Variants in NAV3 observed in about 807,000 individuals in gnomAD.
The protein encoded by NAV3 is pore membrane and/or filament interacting like protein 1.
Under a neutral mutation model 244.7 loss-of-function variants are expected in NAV3, and 87 were observed. The ratio of observed to expected loss-of-function variants is 0.36; its 90% CI spans 0.30 to 0.42. NAV3 has a LOEUF of 0.42. NAV3 is among the 20% of genes least tolerant of loss of function. The pLI is 1.00. For missense variants in NAV3, 2,663 were observed against 2,893.3 expected, an observed-to-expected ratio of 0.92 and a Z score of 1.83; for synonymous variants, 1,126 against 1,042.2, an observed-to-expected ratio of 1.08 and a Z score of -1.55.
At position 78,096,217 on chromosome 12, in the gene NAV3, C is replaced by A. The variant is rs529198382; in HGVS notation, c.2637-20555C>A. Among the ~76,000 whole-genome samples, 80 of 152,286 alleles carry A rather than the reference C, an allele frequency of 5.3e-4. 1 individual carries two copies. The South Asian group carries it at 0.017, about 32-fold the overall frequency. The stretch of plus-strand genomic sequence containing the variant: ...ATATGGCTTCCCCTATAAATAAAAT[C>A]TAGTTCTCTTCTCTGGAGAGGAACA... On this transcript the variant is annotated intron_variant, in intron 12 of 39. Transcript: ENST00000397909.
In NAV3 at chr12:78,200,543, C is replaced by T. The variant is rs183153470; in HGVS notation, c.6786C>T (p.Asn2262=). ...GSRVWFMDLW[N]YSLVPYILEA... The stretch of plus-strand genomic sequence containing the variant: ...GAGTATGGTTCATGGATCTCTGGAA[C>T]TATTCTTTAGTACCTTATATTCTGG... The change falls in exon 38 of 40, where the codon AAC becomes AAT. Residue 2262 remains asparagine, a synonymous_variant. Transcript: ENST00000397909. 1.2e-3 allele frequency: 1,949 copies of T among 1,600,730 alleles called. 9 individuals carry two copies. The highest frequency in any genetic ancestry group is 8.0e-4 in the Non-Finnish European group (938 of 1,173,084).
intron 2 of NAV3, among the ~76,000 whole-genome samples, chr12:77,734,324 T>G (rs1877249153): frequency 6.6e-6 from 1 of 152,054 alleles, no homozygotes; most frequent in African/African-American, 2.4e-5. Context: ...CACTTTTAAA[T>G]CTTTATGACA....
chr12:78,003,532 T>G (rs904963571), intron 7 of NAV3, among the ~76,000 whole-genome samples: 2 of 152,214 alleles, frequency 1.3e-5, no homozygotes, highest in African/African-American at 4.8e-5. Flanking sequence ...AGCAACGCAC[T>G]ATTCAGTGAG....
intron 1 of NAV3, among the ~76,000 whole-genome samples, chr12:77,925,318 T>G (rs1198096359): frequency 1.3e-5 from 2 of 152,226 alleles, no homozygotes; most frequent in Non-Finnish European, 2.9e-5. Context: ...GGGGCTAATT[T>G]AAAATCTTTG....
chr12:77,702,767 T>G (rs929565200), intron 2 of NAV3, among the ~76,000 whole-genome samples: 1 of 152,000 alleles, frequency 6.6e-6, no homozygotes, highest in Non-Finnish European at 1.5e-5. Flanking sequence ...TATACAATAT[T>G]ATTATCATTA....
intron 1 of NAV3, among the ~76,000 whole-genome samples, chr12:77,852,297 G>A (rs141035722): frequency 6.6e-6 from 1 of 152,324 alleles, no homozygotes; most frequent in African/African-American, 2.4e-5. Context: ...CACTTTGGGA[G>A]GCTAAGGCAG....
intron 3 of NAV3, among the ~76,000 whole-genome samples, chr12:77,949,830 T>G (rs1005919512): frequency 6.6e-6 from 1 of 152,082 alleles, no homozygotes; most frequent in Non-Finnish European, 1.5e-5. Flanking sequence ...ACATCCTCTG[T>G]GCTCCAACCC....
chr12:77,797,829 G>A (rs1044724765), intron 2 of NAV3, among the ~76,000 whole-genome samples: 5 of 148,022 alleles, frequency 3.4e-5, no homozygotes, highest in African/African-American at 5.0e-5. Context: ...ACAAAGCAAG[G>A]CTCTGTCTCA....
intron 12 of NAV3, among the ~76,000 whole-genome samples, chr12:78,074,118 G>A (rs192302377): frequency 1.4e-4 from 21 of 152,278 alleles, no homozygotes; most frequent in Admixed American, 7.2e-4. Flanking sequence ...GATTTAGCAG[G>A]CCCACAAAAG....
At chr12:78,016,085 A>G (rs908994937) in intron 8 of NAV3, among the ~76,000 whole-genome samples, 2 of 152,150 alleles carry the variant, frequency 1.3e-5, no homozygotes, top group South Asian at 4.1e-4. Context: ...TTTATGGCTC[A>G]AGGTGTTCTA....
At chr12:77,814,503 A>G (rs1356454437) in intron 2 of NAV3, among the ~76,000 whole-genome samples, 3 of 152,160 alleles carry the variant, frequency 2.0e-5, no homozygotes, top group Non-Finnish European at 4.4e-5. Flanking sequence ...AGGAGGTTGA[A>G]TTCAAAGGGA....
At position 77,791,083 on chromosome 12, in the gene NAV3, C is replaced by T. The variant is rs117516571; in HGVS notation, c.73-149236C>T. On this transcript the variant is annotated intron_variant, in intron 2 of 8. Transcript: ENST00000550042. ...AAAATATTTTCCATTTGGCCGGGCG[C>T]GGTGGCTCATGCCTGTAGTCCCAGC... 1.0e-3 allele frequency among the ~76,000 whole-genome samples: 152 copies of T among 152,242 alleles called. 1 individual carries two copies. In the East Asian group the frequency reaches 0.024, roughly 24 times the overall value.
In NAV3 at chr12:78,137,273, A is replaced by T. The variant is rs1372856367; in HGVS notation, c.4538A>T (p.Asp1513Val). 6.2e-7 allele frequency: 1 copy of T among 1,613,658 alleles called. No homozygotes were observed. Among genetic ancestry groups the T allele is most frequent in the African/African-American group, 1.3e-5 (1 of 74,872 alleles). The change falls in exon 19 of 40, where the codon GAT becomes GTT. Residue 1513 changes from aspartate to valine, a missense_variant. By Grantham distance (152) the Asp-to-Val change is radical (BLOSUM62 -3). Around this residue, in one of 6 missense-constraint regions of NAV3, gnomAD observed 354 missense variants for 413.0 expected, o/e 0.86. Coordinates refer to ENST00000397909, the MANE Select transcript of NAV3 (RefSeq NM_001024383.2). ...PAQDSSFDLY[D>V]DSQLCGSATS... ...CAAGACTCTTCCTTCGATCTCTATG[A>T]TGACTCCCAGCTTTGTGGGAGTGCC...
intron 2 of NAV3, among the ~76,000 whole-genome samples, chr12:77,812,139 C>T (rs1872315226): frequency 6.6e-6 from 1 of 152,128 alleles, no homozygotes; most frequent in Non-Finnish European, 1.5e-5. Flanking sequence ...CAGCCCATAT[C>T]CTGTTGCTAA....
chr12:77,665,185 A>G lies in NAV3; in HGVS notation c.72+92919A>G, dbSNP rs373344918. ...CTGGAACTTTTCATCTGAAAAAAGC[A>G]TGTAGGTGCATATGCAAATAAAATT... On this transcript the variant is annotated intron_variant, in intron 2 of 8. Transcript: ENST00000550042. Among the ~76,000 whole-genome samples the G allele has an allele frequency of 3.0e-4, 46 of 152,336 alleles. No individual in the cohort carries two copies. The South Asian group carries it at 5.6e-3, about 19-fold the overall frequency.
At chr12:78,057,065 A>G (rs967570265) in intron 11 of NAV3, among the ~76,000 whole-genome samples, 1 of 152,210 alleles carries the variant, frequency 6.6e-6, no homozygotes, top group African/African-American at 2.4e-5. Flanking sequence ...ACTGGGGGAT[A>G]TGAATCTGTC....
rs538972008 is a variant in NAV3 at position 78,181,117 on chromosome 12, G to C, written c.5692+72G>C. ...TAACGGGTGGGAAGCCTGGAATTTGGAGAACTTTACGTACTCTTAAAAATG... is the reference window on the plus strand; with the variant it reads ...TAACGGGTGGGAAGCCTGGAATTTGCAGAACTTTACGTACTCTTAAAAATG... On this transcript the variant is annotated intron_variant, in intron 30 of 39. Coordinates refer to ENST00000397909, the MANE Select transcript of NAV3 (RefSeq NM_001024383.2). 6.3e-6 allele frequency: 9 copies of C among 1,436,602 alleles called. No individual in the cohort carries two copies. The Admixed American group carries it at 9.7e-5, about 15-fold the overall frequency. The allele number at this position is 1,436,602 out of a possible 1,614,324, so 89.0% of individuals were successfully genotyped here. A position where few individuals can be genotyped will look rare whatever the true frequency, so the allele number is the denominator to read the frequency against.
chr12:77,593,385 C>G (rs1870004002), intron 2 of NAV3, among the ~76,000 whole-genome samples: 1 of 151,600 alleles, frequency 6.6e-6, no homozygotes, highest in Admixed American at 6.6e-5. Flanking sequence ...CTTGTTCTCT[C>G]CCTGTCTTTC....
At position 77,784,222 on chromosome 12, in the gene NAV3, A is replaced by T. The variant is rs111675647; in HGVS notation, c.73-156097A>T. 4.2e-3 allele frequency among the ~76,000 whole-genome samples: 633 copies of T among 152,070 alleles called. 4 individuals are homozygous for T. Among genetic ancestry groups the T allele is most frequent in the African/African-American group, 0.014 (586 of 41,470 alleles). ...AAATTCCTCTAATCCCAACACAGACACTCTCTTTAGCTGCAAATATGATGT... is the reference window on the plus strand; with the variant it reads ...AAATTCCTCTAATCCCAACACAGACTCTCTCTTTAGCTGCAAATATGATGT... On this transcript the variant is annotated intron_variant, in intron 2 of 8. Transcript: ENST00000550042.
Sources: gnomAD v4.1 joint callset for allele counts (sites outside exome capture counted in the v4.1 genomes callset) on GRCh38, gnomAD v4.1.1 for gene constraint, gnomAD v4.1.1 regional missense constraint, MANE v1.5 for transcripts, NCBI Gene and HGNC (gene_info 2026-07-23, HGNC 2026-07-21) for gene names.